STXBP5L: variants seen among roughly 807,000 people sequenced by gnomAD.
The protein encoded by STXBP5L is syntaxin-binding protein 5-like.
In STXBP5L, 65 loss-of-function variants were observed where a neutral mutation model predicts 144.5. The ratio of observed to expected loss-of-function variants is 0.45; its 90% CI spans 0.37 to 0.55. STXBP5L has a LOEUF of 0.55. Among genes scored for constraint, STXBP5L ranks in the 20% least tolerant of loss-of-function variants. The pLI, the probability that STXBP5L is intolerant of heterozygous loss-of-function variation, is 0.00. For synonymous variants in STXBP5L, 505 were observed against 469.6 expected, an observed-to-expected ratio of 1.08 and a Z score of -0.97; for missense variants, 1,298 against 1,405.5, an observed-to-expected ratio of 0.92 and a Z score of 1.22.
At chr3:121,214,981 G>GA (rs1172947966) in intron 10 of STXBP5L, among the ~76,000 whole-genome samples, 3 of 151,462 alleles carry the variant, frequency 2.0e-5, no homozygotes, top group Middle Eastern at 3.2e-3. Context: ...TGTCTTTTTT[G>GA]ATCTTTGTTT....
chr3:121,125,470 C>A (rs908547298), intron 7 of STXBP5L, among the ~76,000 whole-genome samples: 3 of 148,384 alleles, frequency 2.0e-5, no homozygotes, highest in Admixed American at 1.3e-4. Context: ...GACTCCATCT[C>A]AAAAAAAAAA....
At chr3:121,320,724 C>T (rs1311587974) in intron 20 of STXBP5L, among the ~76,000 whole-genome samples, 4 of 141,934 alleles carry the variant, frequency 2.8e-5, no homozygotes, top group Non-Finnish European at 6.1e-5. Flanking sequence ...TTTTTTTAGA[C>T]GGAGTCTTGC....
chr3:120,923,702 T>C (rs1298698035), intron 2 of STXBP5L, among the ~76,000 whole-genome samples: 1 of 152,114 alleles, frequency 6.6e-6, no homozygotes, highest in Non-Finnish European at 1.5e-5. Context: ...ATAAAAGATA[T>C]GTCATATGAT....
intron 5 of STXBP5L, among the ~76,000 whole-genome samples, chr3:121,071,487 A>G (rs1389243417): frequency 6.6e-6 from 1 of 152,146 alleles, no homozygotes; most frequent in Admixed American, 6.5e-5. Flanking sequence ...AGGATCAGCC[A>G]TGTTGGGTGG....
intron 5 of STXBP5L, among the ~76,000 whole-genome samples, chr3:121,046,754 C>T (rs1324988579): frequency 1.3e-5 from 2 of 151,860 alleles, no homozygotes; most frequent in African/African-American, 4.8e-5. Flanking sequence ...CTCTTTTTCT[C>T]TTTATTAGCC....
At chr3:121,134,130 G>A (rs577435329) in intron 7 of STXBP5L, among the ~76,000 whole-genome samples, 1 of 152,286 alleles carries the variant, frequency 6.6e-6, no homozygotes, top group Admixed American at 6.5e-5. Flanking sequence ...GAAGGCTGGG[G>A]AGTCTGAGGT....
chr3:121,336,928 G>T (rs770955938), intron 20 of STXBP5L, among the ~76,000 whole-genome samples: 8 of 152,154 alleles, frequency 5.3e-5, no homozygotes, highest in African/African-American at 9.7e-5. Flanking sequence ...CCATAAAAAA[G>T]AATGAGATCA....
At chr3:121,308,026 A>G (rs1185562787) in intron 19 of STXBP5L, among the ~76,000 whole-genome samples, 1 of 152,214 alleles carries the variant, frequency 6.6e-6, no homozygotes, top group African/African-American at 2.4e-5. Flanking sequence ...ATGGGATGAC[A>G]TATTCAAATT....
intron 3 of STXBP5L, among the ~76,000 whole-genome samples, chr3:121,019,595 ACT>A (rs1945398566): frequency 6.6e-6 from 1 of 151,914 alleles, no homozygotes; most frequent in Non-Finnish European, 1.5e-5. Flanking sequence ...ACATCACAGG[ACT>A]CTTTGCAGAC....
intron 20 of STXBP5L, among the ~76,000 whole-genome samples, chr3:121,345,756 C>A (rs559299797): frequency 1.3e-5 from 2 of 152,164 alleles, no homozygotes; most frequent in South Asian, 2.1e-4. Context: ...TCTCTCATGA[C>A]AAGTGATAAT....
rs370326836 is a variant in STXBP5L, at chr3:120,990,539, G to A, written c.287+35502G>A. On this transcript the variant is annotated intron_variant, in intron 3 of 26. Coordinates refer to ENST00000471454, the MANE Select transcript of STXBP5L (RefSeq NM_001308330.2). ...AAAACAACAAAGCTGGAGGCATCACGCTACCTGACTTCAAACTATACTACA... is the reference window on the plus strand; with the variant it reads ...AAAACAACAAAGCTGGAGGCATCACACTACCTGACTTCAAACTATACTACA... Among the ~76,000 whole-genome samples, 235 of 152,016 alleles carry A rather than the reference G, an allele frequency of 1.5e-3. 1 individual carries two copies. In the East Asian group the frequency reaches 0.029, roughly 19 times the overall value.
At chr3:120,983,741 A>G (rs1241378733) in intron 3 of STXBP5L, among the ~76,000 whole-genome samples, 1 of 152,076 alleles carries the variant, frequency 6.6e-6, no homozygotes, top group Non-Finnish European at 1.5e-5. Flanking sequence ...GGGAGCTTCT[A>G]TCAGTTTCAC....
intron 20 of STXBP5L, among the ~76,000 whole-genome samples, chr3:121,333,594 C>A (rs2044401994): frequency 1.3e-5 from 2 of 150,294 alleles, no homozygotes; most frequent in African/African-American, 2.4e-5. Flanking sequence ...AAATTAGGAG[C>A]TGGATTTTTG....
intron 5 of STXBP5L, among the ~76,000 whole-genome samples, chr3:121,065,035 C>T (rs2041475610): frequency 6.6e-6 from 1 of 151,092 alleles, no homozygotes; most frequent in African/African-American, 2.4e-5. Context: ...AGGATTATTG[C>T]CTCCAGCTGC....
intron 3 of STXBP5L, among the ~76,000 whole-genome samples, chr3:120,998,405 T>C (rs1943520237): frequency 6.6e-6 from 1 of 152,092 alleles, no homozygotes; most frequent in Admixed American, 6.6e-5. Context: ...TATTATACTT[T>C]AAATTTTGGG....
chr3:121,103,084 T>A (rs778759849), intron 5 of STXBP5L, among the ~76,000 whole-genome samples: 2 of 152,120 alleles, frequency 1.3e-5, no homozygotes, highest in Non-Finnish European at 2.9e-5. Flanking sequence ...GAAAAAGGAA[T>A]GTTTGTACAC....
intron 2 of STXBP5L, among the ~76,000 whole-genome samples, chr3:120,915,966 A>G (rs78489581): frequency 0.1 from 15,490 of 152,128 alleles, 1,241 homozygotes; most frequent in Admixed American, 0.2. Flanking sequence ...CATGTTTATT[A>G]TTGAAAATAT....
intron 4 of STXBP5L, among the ~76,000 whole-genome samples, chr3:121,042,961 ATCTCAG>A (rs1482246027): frequency 6.6e-6 from 1 of 151,566 alleles, no homozygotes; most frequent in African/African-American, 2.4e-5. Flanking sequence ...TTGTTGAGGG[ATCTCAG>A]CTTTTTGCCT....
At chr3:121,183,106 A>G (rs2047225658) in intron 9 of STXBP5L, among the ~76,000 whole-genome samples, 1 of 152,224 alleles carries the variant, frequency 6.6e-6, no homozygotes, top group African/African-American at 2.4e-5. Context: ...CATTAATATG[A>G]AAACACTCAC....
Sources: gnomAD v4.1 joint callset for allele counts (sites outside exome capture counted in the v4.1 genomes callset) on GRCh38, gnomAD v4.1.1 for gene constraint, MANE v1.5 for transcripts, NCBI Gene and HGNC (gene_info 2026-07-23, HGNC 2026-07-21) for gene names.